The following GSE1 variants were observed in gnomAD, a reference collection of about 807,000 sequenced individuals.
The protein encoded by GSE1 is genetic suppressor element 1.
A neutral mutation model predicts 112.6 loss-of-function variants in GSE1; 32 were observed. The ratio of observed to expected loss-of-function variants is 0.28; its 90% CI spans 0.21 to 0.38. GSE1 has a LOEUF of 0.38. Among genes scored for constraint, GSE1 ranks in the 10% least tolerant of loss-of-function variants. GSE1 has a pLI of 1.00. For missense variants in GSE1, 2,348 were observed against 1,699.2 expected, an observed-to-expected ratio of 1.38 and a Z score of -6.71; for synonymous variants, 1,115 against 735.6, an observed-to-expected ratio of 1.52 and a Z score of -8.35.
At chr16:85,418,479 G>T (rs539749529) in intron 2 of GSE1, among the ~76,000 whole-genome samples, 28 of 152,296 alleles carry the variant, frequency 1.8e-4, no homozygotes, top group African/African-American at 6.5e-4. Context: ...CTTAGCACAA[G>T]CCCCGCCTCC....
At chr16:85,579,488 G>GC (rs2046361617) in intron 1 of GSE1, among the ~76,000 whole-genome samples, 1 of 152,344 alleles carries the variant, frequency 6.6e-6, no homozygotes, top group African/African-American at 2.4e-5. Context: ...GCGCTGGGCA[G>GC]CCTGTGTCTG....
intron 2 of GSE1, among the ~76,000 whole-genome samples, chr16:85,528,636 GTTTTT>G (rs1017333685): frequency 8.2e-6 from 1 of 122,148 alleles, no homozygotes; most frequent in East Asian, 2.2e-4. Context: ...GTGGATTGCT[GTTTTT>G]TGTTTTGTTT....
At chr16:85,665,954 T>G in intron 12 of GSE1, 22 bp from the exon 13 acceptor site, 1 of 1,611,438 alleles carries the variant, frequency 6.2e-7, no homozygotes, top group South Asian at 1.1e-5. Flanking sequence ...CTTAATATTT[T>G]CCTTCACTTT....
chr16:85,648,691 C>T lies in GSE1; in HGVS notation c.366C>T (p.Pro122=), dbSNP rs533050963. ...PGGHSVPSTP[P]VVTIAPTKTV... ...GCCACAGCGTGCCCAGCACCCCCCC[C>T]GTGGTGACCATCGCTCCAACCAAAA... The change falls in exon 3 of 16, where the codon CCC becomes CCT. Residue 122 remains proline (P), a synonymous_variant. Coordinates refer to ENST00000253458, the MANE Select transcript of GSE1 (RefSeq NM_014615.5). 2.1e-5 allele frequency: 34 copies of T among 1,608,520 alleles called. No individual in the cohort carries two copies. The highest frequency in any genetic ancestry group is 1.7e-4 in the Middle Eastern group (1 of 6,010).
At chr16:85,587,758 G>A (rs563298725) in intron 1 of GSE1, among the ~76,000 whole-genome samples, 119 of 152,116 alleles carry the variant, frequency 7.8e-4, no homozygotes, top group Middle Eastern at 3.4e-3. Flanking sequence ...CTGGGTTGGC[G>A]GATAAAATGT....
intron 2 of GSE1, among the ~76,000 whole-genome samples, chr16:85,642,779 C>T (rs1217553402): frequency 5.3e-5 from 8 of 152,226 alleles, no homozygotes; most frequent in African/African-American, 1.4e-4. Flanking sequence ...TGCAGAACAG[C>T]GGCTGGGGGA....
intron 9 of GSE1, chr16:85,662,347 T>G (rs1285292573): frequency 6.5e-6 from 1 of 153,548 alleles, no homozygotes; most frequent in Non-Finnish European, 1.4e-5. Flanking sequence ...GAGCAGGGGC[T>G]CCAGCCCAGT....
At chr16:85,403,375 G>A (rs776036775) in intron 2 of GSE1, among the ~76,000 whole-genome samples, 17 of 152,212 alleles carry the variant, frequency 1.1e-4, no homozygotes, top group Non-Finnish European at 1.9e-4. Context: ...CCACCAGGAG[G>A]CGTGGTCATT....
chr16:85,498,562 C>T (rs1307108903), intron 2 of GSE1, among the ~76,000 whole-genome samples: 2 of 218 alleles, frequency 9.2e-3, no homozygotes, highest in Non-Finnish European at 0.02. Context: ...CTCACGCATA[C>T]ACCCCATGCA....
chr16:85,277,558 G>T (rs1379276852), intron 1 of GSE1, among the ~76,000 whole-genome samples: 4 of 152,156 alleles, frequency 2.6e-5, no homozygotes. Context: ...CTGTGATGCT[G>T]GGTCAGGGCA....
At position 85,640,611 on chromosome 16, in the gene GSE1, C is replaced by T. The variant is rs574503802; in HGVS notation, c.226+6479C>T. On this transcript the variant is annotated intron_variant, in intron 2 of 15. Transcript: ENST00000253458. ...GTGGGGACTACGTGTGCGGGGACCA[C>T]GGAGCAGGGACCACAGACCCATCCT... 1.0e-3 allele frequency among the ~76,000 whole-genome samples: 156 copies of T among 152,346 alleles called. 1 individual carries two copies. The highest frequency in any genetic ancestry group is 3.6e-3 in the African/African-American group (149 of 41,574).
intron 1 of GSE1, among the ~76,000 whole-genome samples, chr16:85,240,167 ATAAGT>A (rs1350518898): frequency 6.6e-6 from 1 of 152,218 alleles, no homozygotes; most frequent in Non-Finnish European, 1.5e-5. Context: ...TGAAGATGAA[ATAAGT>A]TAATAGGAAT....
chr16:85,589,802 GTGTGTGAATGTGAGTGTGAATA>G (rs375014525), intron 1 of GSE1, among the ~76,000 whole-genome samples: 3,976 of 152,156 alleles, frequency 0.026, 188 homozygotes, highest in African/African-American at 0.089. Flanking sequence ...TGTGTGAGAC[GTGTGTGAATGTGAGTGTGAATA>G]TGTGTGAATG....
chr16:85,485,232 G>A (rs1418704020), intron 2 of GSE1, among the ~76,000 whole-genome samples: 1 of 152,240 alleles, frequency 6.6e-6, no homozygotes, highest in Non-Finnish European at 1.5e-5. Context: ...ACCCACTCAC[G>A]GTTTCCCGCG....
intron 1 of GSE1, among the ~76,000 whole-genome samples, chr16:85,246,062 G>T (rs1229723912): frequency 2.0e-5 from 3 of 151,718 alleles, no homozygotes; most frequent in Non-Finnish European, 4.4e-5. Context: ...CAGAGCATCT[G>T]TGTGTGACTG....
chr16:85,662,713 G>GGGA (rs2151965928), intron 9 of GSE1: 1 of 470,184 alleles, frequency 2.1e-6, no homozygotes, highest in East Asian at 3.7e-5. Context: ...CCCTGCCAGG[G>GGGA]GGAGGAGGGA....
At chr16:85,173,890 C>G (rs1024446939) in intron 1 of GSE1, among the ~76,000 whole-genome samples, 1 of 152,200 alleles carries the variant, frequency 6.6e-6, no homozygotes, top group Non-Finnish European at 1.5e-5. Flanking sequence ...GATGTGTGCT[C>G]TGTTCCCTAG....
In GSE1 at chr16:85,518,445, C is replaced by G. The variant is rs563269183; in HGVS notation, c.2465-115469C>G. On this transcript the variant is annotated intron_variant, in intron 2 of 2. Transcript: ENST00000637419. ...AGGGATGCAACTGTGTGTGTTACAT[C>G]AGAGGAAACCGAGGCGCAGAAGTAA... 6.6e-5 allele frequency among the ~76,000 whole-genome samples: 10 copies of G among 152,210 alleles called. 1 individual carries two copies. Among genetic ancestry groups the G allele is most frequent in the Admixed American group, 2.6e-4 (4 of 15,288 alleles).
At chr16:85,397,022 G>T (rs118026152) in intron 2 of GSE1, among the ~76,000 whole-genome samples, 2 of 152,302 alleles carry the variant, frequency 1.3e-5, no homozygotes, top group East Asian at 3.9e-4. Flanking sequence ...AGAGACGGGG[G>T]CTCCCCTCCA....
Sources: allele counts gnomAD v4.1 joint callset (sites outside exome capture counted in the v4.1 genomes callset), GRCh38; gene constraint gnomAD v4.1.1; transcripts MANE v1.5; gene names NCBI Gene and HGNC (gene_info 2026-07-23, HGNC 2026-07-21).